GMNN: variants seen among roughly 807,000 people sequenced by gnomAD.
The protein encoded by GMNN is geminin DNA replication inhibitor, also known as geminin.
In GMNN, 14 loss-of-function variants were observed where a neutral mutation model predicts 20.9. That is an observed-to-expected ratio of 0.67 (90% CI 0.44 to 1.05). GMNN has a LOEUF of 1.05. GMNN is among the 50% of genes least tolerant of loss of function. The pLI is 0.00. For synonymous variants in GMNN, 81 were observed against 85.8 expected, an observed-to-expected ratio of 0.94 and a Z score of 0.31; for missense variants, 227 against 243.8, an observed-to-expected ratio of 0.93 and a Z score of 0.46.
chr6:24,780,065 A>G (rs993660817), intron 2 of GMNN, among the ~76,000 whole-genome samples: 3 of 152,224 alleles, frequency 2.0e-5, no homozygotes, highest in Non-Finnish European at 4.4e-5. Flanking sequence ...GAGGCCTGAA[A>G]TGAATCTTTT....
intron 2 of GMNN, among the ~76,000 whole-genome samples, chr6:24,778,199 G>A (rs1241841091): frequency 6.6e-6 from 1 of 152,150 alleles, no homozygotes; most frequent in Non-Finnish European, 1.5e-5. Flanking sequence ...CTATCAATTT[G>A]CGGTTTTAAA....
chr6:24,780,431 A>G (rs1453854416), intron 2 of GMNN, among the ~76,000 whole-genome samples: 1 of 152,198 alleles, frequency 6.6e-6, no homozygotes. Flanking sequence ...GAATTCTTCA[A>G]ACTTTATTAT....
intron 2 of GMNN, among the ~76,000 whole-genome samples, chr6:24,780,354 G>A (rs1366158875): frequency 6.6e-6 from 1 of 152,170 alleles, no homozygotes; most frequent in Non-Finnish European, 1.5e-5. Context: ...CATAGCAAGA[G>A]CATGCATTGA....
intron 4 of GMNN, 72 bp downstream of exon 4, chr6:24,781,693 T>G: frequency 1.6e-6 from 1 of 640,280 alleles, no homozygotes; most frequent in East Asian, 3.0e-5. Context: ...AATACTATTA[T>G]GAATTCTGCC....
intron 1 of GMNN, 147 bp from the exon 2 acceptor site, chr6:24,777,075 A>C (rs1780091803): frequency 7.4e-6 from 3 of 404,338 alleles, no homozygotes; most frequent in Non-Finnish European, 1.3e-5. Flanking sequence ...AACTTTAGTC[A>C]CCTTAGTCAT....
Position 24,784,097 on chromosome 6 carries a change from C to A in GMNN, c.285C>A (p.Ser95=). The A allele has an allele frequency of 7.1e-7, 1 of 1,404,522 alleles. No individual in the cohort carries two copies. The highest frequency in any genetic ancestry group is 1.0e-6 in the Non-Finnish European group (1 of 999,548). 87.0% of individuals were successfully genotyped at this position (1,404,522 alleles called of 1,614,324 possible). ...SFDLMIKENP[S]SQYWKEVAEK... ...AAAATATTATTTTAGAAAATCCATC[C>A]TCTCAGTATTGGAAGGAAGTGGCAG... is the stretch of plus-strand genomic sequence containing the variant. Residue 95 remains serine, a synonymous_variant, in exon 5 of 7, where the codon TCC becomes TCA. Coordinates refer to ENST00000230056, the MANE Select transcript of GMNN (RefSeq NM_015895.5).
At chr6:24,784,016 A>AT in intron 4 of GMNN, 71 bp from the exon 5 acceptor site, 1 of 690,938 alleles carries the variant, frequency 1.4e-6, no homozygotes, top group Admixed American at 2.6e-5. Flanking sequence ...AAGATTGGAA[A>AT]TTTTTTTGAA....
intron 3 of GMNN, among the ~76,000 whole-genome samples, chr6:24,781,092 G>T (rs1206675712): frequency 6.6e-6 from 1 of 151,964 alleles, no homozygotes; most frequent in Non-Finnish European, 1.5e-5. Context: ...AATCTCAGCT[G>T]CTTGGGAGGC....
rs531198241 is a variant in GMNN at position 24,778,512 on chromosome 6, T to G, written c.51+1215T>G. ...GTAAGACCCTGTACCTAAAAAAATT[T>G]TTTTTATATTAAGTAAATTAAATTG... On this transcript the variant is annotated intron_variant, in intron 2 of 6. Coordinates refer to ENST00000230056, the MANE Select transcript of GMNN (RefSeq NM_015895.5). Among the ~76,000 whole-genome samples the G allele has an allele frequency of 5.3e-5, 8 of 152,220 alleles. No individual in the cohort carries two copies. The East Asian group carries it at 1.5e-3, about 29-fold the overall frequency.
At chr6:24,784,682 C>A in intron 6 of GMNN, 128 bp downstream of exon 6, 1 of 496,090 alleles carries the variant, frequency 2.0e-6, no homozygotes, top group East Asian at 3.2e-5. Context: ...ACTTAACTTC[C>A]TTCCTAACAC....
chr6:24,776,027 C>A (rs1359371562), intron 1 of GMNN, among the ~76,000 whole-genome samples: 3 of 152,158 alleles, frequency 2.0e-5, no homozygotes. Flanking sequence ...GGGGCCCGAA[C>A]ACCATTTTCT....
Position 24,782,090 on chromosome 6 carries a change from G to GA in GMNN, c.274+478dup, listed in dbSNP as rs1044352220. 1.4e-3 allele frequency among the ~76,000 whole-genome samples: 215 copies of GA among 149,722 alleles called. 1 individual carries two copies. The highest frequency in any genetic ancestry group is 4.6e-3 in the African/African-American group (186 of 40,856). The stretch of plus-strand genomic sequence containing the variant: ...ACAGGGCAAGACCCGGTCTCTGAAG[G>GA]AAAAAAAAAGGGTAGGGGGAAAGGA... On this transcript the variant is annotated intron_variant, in intron 4 of 6. Transcript: ENST00000230056.
chr6:24,781,145 A>G (rs908861160), intron 3 of GMNN, among the ~76,000 whole-genome samples: 2 of 152,168 alleles, frequency 1.3e-5, no homozygotes, highest in South Asian at 2.1e-4. Context: ...TGGAGGTTGC[A>G]GTGAGCCGAG....
intron 2 of GMNN, 61 bp from the exon 3 acceptor site, chr6:24,780,602 A>G (rs1780185360): frequency 1.1e-6 from 1 of 929,216 alleles, no homozygotes; most frequent in Non-Finnish European, 1.8e-6. Context: ...ACAGAAACTC[A>G]GTAACTAAAT....
chr6:24,781,404 A>G (rs974771923), intron 3 of GMNN, 73 bp from the exon 4 acceptor site: 38 of 988,392 alleles, frequency 3.8e-5, no homozygotes, highest in African/African-American at 1.5e-4. Flanking sequence ...TTTTTAATAC[A>G]TAAATGAAAA....
chr6:24,784,264 T>C (rs1432300308), intron 5 of GMNN, 95 bp downstream of exon 5: 2 of 749,830 alleles, frequency 2.7e-6, no homozygotes, highest in Non-Finnish European at 4.7e-6. Context: ...CTAGCTTTAG[T>C]ATTGGCTTAA....
rs1581429274 is a variant in GMNN, at chr6:24,781,555, C to T, written c.208C>T (p.Pro70Ser). The stretch of plus-strand genomic sequence containing the variant: ...AACTTCCAGCCCTGGGGTTATTGTC[C>T]CAGAATCTAGTGAAAATAAAAATCT... ...STTSSPGVIV[P>S]ESSENKNLGG... Residue 70 changes from proline (P) to serine (S), a missense_variant, in exon 4 of 7, where the codon CCA (proline) becomes TCA (serine). Coordinates refer to ENST00000230056, the MANE Select transcript of GMNN (RefSeq NM_015895.5). The T allele has an allele frequency of 1.8e-5, 28 of 1,563,992 alleles. No individual in the cohort carries two copies. The highest frequency in any genetic ancestry group is 2.4e-5 in the Non-Finnish European group (28 of 1,145,336).
In GMNN at chr6:24,784,486, C is replaced by A; in HGVS notation, c.400C>A (p.Leu134Met). 1 of 1,588,318 alleles carries A rather than the reference C, an allele frequency of 6.3e-7. No homozygotes were observed. Among genetic ancestry groups the A allele is most frequent in the South Asian group, 1.1e-5 (1 of 90,514 alleles). ...IEQKDNEIAR[L>M]KKENKELAEV... The stretch of plus-strand genomic sequence containing the variant: ...ACAAAAGGACAATGAAATTGCCCGC[C>A]TGAAAAAGGAGAATAAAGAACTGGC... Residue 134 changes from leucine to methionine, a missense_variant, in exon 6 of 7, where the codon CTG becomes ATG. Physicochemically the swap from Leu to Met is conservative, Grantham distance 15. Transcript: ENST00000230056.
chr6:24,781,750 G>A, intron 4 of GMNN, 129 bp downstream of exon 4: 1 of 451,972 alleles, frequency 2.2e-6, no homozygotes, highest in Non-Finnish European at 4.0e-6. Context: ...AAATGTTTTT[G>A]TATGTGACCA....
Sources: allele counts gnomAD v4.1 joint callset (sites outside exome capture counted in the v4.1 genomes callset), GRCh38; gene constraint gnomAD v4.1.1; transcripts MANE v1.5; gene names NCBI Gene and HGNC (gene_info 2026-07-23, HGNC 2026-07-21).